Variants in SORCS1 observed in about 807,000 individuals in gnomAD.
SORCS1 encodes VPS10 domain-containing receptor SorCS1.
In SORCS1, 60 loss-of-function variants were observed where a neutral mutation model predicts 146.1. That is an observed-to-expected ratio of 0.41 (90% CI 0.33 to 0.51). SORCS1 has a LOEUF of 0.51. Among genes scored for constraint, SORCS1 ranks in the 20% least tolerant of loss-of-function variants. SORCS1 has a pLI of 0.21. For missense variants in SORCS1, 1,352 were observed against 1,487.6 expected (o/e 0.91, Z 1.50); for synonymous variants, 637 against 584.0 (o/e 1.09, Z -1.31).
Position 106,602,219 on chromosome 10 carries a change from A to G in SORCS1, c.3166-4769T>C, listed in dbSNP as rs375055232. Among the ~76,000 whole-genome samples, 31 of 152,294 alleles carry G rather than the reference A, an allele frequency of 2.0e-4. No homozygotes were observed. The East Asian group carries it at 3.3e-3, about 16-fold the overall frequency. The stretch of plus-strand genomic sequence containing the variant: ...AAAGCTACACTGGGCTAAAATACGA[A>G]TATTTATTCTGAAGGTGGTAGGATG... On this transcript the variant is annotated intron_variant, in intron 23 of 25. Transcript: ENST00000263054.
rs764111110 is a variant in SORCS1 at position 106,577,282 on chromosome 10, C to T, written c.*138G>A. On this transcript the variant is annotated 3_prime_UTR_variant, in exon 26 of 26. Coordinates refer to ENST00000263054, the MANE Select transcript of SORCS1 (RefSeq NM_052918.5). ...TTGATTCTCAGCAACTATGGAAATA[C>T]TTCCTGGCAAAATAGGAAACAGAAC... 1.9e-6 allele frequency: 3 copies of T among 1,606,342 alleles called. No individual in the cohort carries two copies. In the South Asian group the frequency reaches 3.3e-5, roughly 18 times the overall value.
At chr10:106,753,808 C>T (rs1858439381) in intron 5 of SORCS1, among the ~76,000 whole-genome samples, 1 of 152,068 alleles carries the variant, frequency 6.6e-6, no homozygotes, top group African/African-American at 2.4e-5. Flanking sequence ...CTTTATTGGT[C>T]CATAGCACAG....
intron 2 of SORCS1, among the ~76,000 whole-genome samples, chr10:106,869,251 C>A (rs1433539828): frequency 6.6e-6 from 1 of 152,180 alleles, no homozygotes; most frequent in African/African-American, 2.4e-5. Context: ...CAGCCAAATT[C>A]TACCAGATAT....
chr10:107,115,559 AT>A (rs1965979074), intron 1 of SORCS1, among the ~76,000 whole-genome samples: 1 of 152,094 alleles, frequency 6.6e-6, no homozygotes, highest in African/African-American at 2.4e-5. Flanking sequence ...ACGCAGAAAA[AT>A]TAAATTCTTT....
intron 1 of SORCS1, among the ~76,000 whole-genome samples, chr10:107,054,549 G>A (rs578195554): frequency 6.6e-6 from 1 of 152,248 alleles, no homozygotes; most frequent in African/African-American, 2.4e-5. Flanking sequence ...TGGAACTGAG[G>A]GCAAAAGGGC....
At chr10:107,029,238 C>G (rs199910463) in intron 1 of SORCS1, among the ~76,000 whole-genome samples, 1 of 152,150 alleles carries the variant, frequency 6.6e-6, no homozygotes, top group East Asian at 1.9e-4. Context: ...TTTGGTCATT[C>G]ACTGGCACGC....
intron 2 of SORCS1, among the ~76,000 whole-genome samples, chr10:106,901,372 T>C (rs1222114888): frequency 6.6e-6 from 1 of 152,204 alleles, no homozygotes; most frequent in African/African-American, 2.4e-5. Flanking sequence ...ACAACATAAA[T>C]AATGGAGAGG....
At position 106,620,507 on chromosome 10, in the gene SORCS1, T is replaced by C; in HGVS notation, c.2717A>G (p.Glu906Gly). The change falls in exon 20 of 26, where the codon GAG becomes GGG. Residue 906 changes from glutamate (E) to glycine (G), a missense_variant. This residue lies in a region of SORCS1 where 648 missense variants were observed against 793.8 expected (regional missense o/e 0.82). Transcript: ENST00000263054. ...SLPFVTTKNK[E>G]VNATAVLWPS... ...CCACAGCACTGCCGTCGCATTGACCTCTTTGTTCTTTGTGGTGACAAAGGG... is the reference window on the plus strand; with the variant it reads ...CCACAGCACTGCCGTCGCATTGACCCCTTTGTTCTTTGTGGTGACAAAGGG... The C allele has an allele frequency of 6.2e-7, 1 of 1,614,118 alleles. No individual in the cohort carries two copies. The highest frequency in any genetic ancestry group is 8.5e-7 in the Non-Finnish European group (1 of 1,179,954).
intron 23 of SORCS1, among the ~76,000 whole-genome samples, chr10:106,598,758 A>C (rs1293082480): frequency 6.6e-6 from 1 of 151,910 alleles, no homozygotes; most frequent in East Asian, 1.9e-4. Context: ...TAACGCCTTT[A>C]ATCCCTTTAT....
At chr10:106,942,560 T>C (rs1954097329) in intron 2 of SORCS1, among the ~76,000 whole-genome samples, 1 of 152,174 alleles carries the variant, frequency 6.6e-6, no homozygotes. Flanking sequence ...TCTTCCAAAA[T>C]GTCAAGTCCC....
intron 2 of SORCS1, among the ~76,000 whole-genome samples, chr10:106,911,784 T>C (rs773027548): frequency 1.3e-5 from 2 of 152,068 alleles, no homozygotes; most frequent in Non-Finnish European, 2.9e-5. Context: ...GATCTGTTGG[T>C]GGAAGCGGGG....
intron 18 of SORCS1, among the ~76,000 whole-genome samples, chr10:106,643,060 G>T (rs1450525816): frequency 6.6e-6 from 1 of 152,126 alleles, no homozygotes; most frequent in Non-Finnish European, 1.5e-5. Flanking sequence ...TTAGAAAATG[G>T]TTCCTTCACC....
intron 2 of SORCS1, among the ~76,000 whole-genome samples, chr10:106,859,230 C>T (rs934676156): frequency 6.6e-6 from 1 of 152,210 alleles, no homozygotes; most frequent in Admixed American, 6.5e-5. Flanking sequence ...TTCTTTCTTC[C>T]ATGACAACCC....
chr10:107,149,674 A>G (rs1185340239), intron 1 of SORCS1, among the ~76,000 whole-genome samples: 1 of 152,220 alleles, frequency 6.6e-6, no homozygotes, highest in Non-Finnish European at 1.5e-5. Flanking sequence ...GGAGCAATTT[A>G]TCTCTGAGAA....
In SORCS1 at chr10:106,761,265, A is replaced by C. The variant is rs569226639; in HGVS notation, c.959+323T>G. On this transcript the variant is annotated intron_variant, in intron 5 of 25. Coordinates refer to ENST00000263054, the MANE Select transcript of SORCS1 (RefSeq NM_052918.5). ...TGTATATAATGCTTTTAATAATAAAAAGTCACTATTAGATTTTTTTAAATG... is the reference window on the plus strand; with the variant it reads ...TGTATATAATGCTTTTAATAATAAACAGTCACTATTAGATTTTTTTAAATG... 2.0e-5 allele frequency among the ~76,000 whole-genome samples: 3 copies of C among 152,312 alleles called. No individual in the cohort carries two copies. The South Asian group carries it at 6.2e-4, about 32-fold the overall frequency.
intron 2 of SORCS1, among the ~76,000 whole-genome samples, chr10:106,856,352 A>G (rs1949787970): frequency 6.6e-6 from 1 of 152,148 alleles, no homozygotes; most frequent in African/African-American, 2.4e-5. Context: ...CTTTAGTTCT[A>G]TGATTAACTC....
chr10:106,894,313 A>G lies in SORCS1; in HGVS notation c.626+62200T>C, dbSNP rs572168119. On this transcript the variant is annotated intron_variant, in intron 2 of 25. Coordinates refer to ENST00000263054, the MANE Select transcript of SORCS1 (RefSeq NM_052918.5). ...TGTGTGTGTGTGTGTGTGTGTAGGGAGAATAGAAAGGCCTCTGTGGTGCAG... is the reference window on the plus strand; with the variant it reads ...TGTGTGTGTGTGTGTGTGTGTAGGGGGAATAGAAAGGCCTCTGTGGTGCAG... Among the ~76,000 whole-genome samples, 20 of 148,868 alleles carry G rather than the reference A, an allele frequency of 1.3e-4. No homozygotes were observed. The East Asian group carries it at 3.4e-3, about 25-fold the overall frequency.
At chr10:106,805,316 C>G (rs1243510046) in intron 3 of SORCS1, among the ~76,000 whole-genome samples, 2 of 152,138 alleles carry the variant, frequency 1.3e-5, no homozygotes, top group Non-Finnish European at 2.9e-5. Context: ...TTAACTTACT[C>G]CTTGAAGAGG....
intron 1 of SORCS1, among the ~76,000 whole-genome samples, chr10:107,161,931 G>A (rs1422942803): frequency 6.6e-6 from 1 of 152,046 alleles, no homozygotes; most frequent in Non-Finnish European, 1.5e-5. Context: ...GACTTCAGGG[G>A]GCAGAAATCT....
Sources: allele counts gnomAD v4.1 joint callset (sites outside exome capture counted in the v4.1 genomes callset), GRCh38; gene constraint gnomAD v4.1.1; regional missense constraint gnomAD v4.1.1; transcripts MANE v1.5; gene names NCBI Gene and HGNC (gene_info 2026-07-23, HGNC 2026-07-21).